SBF2: variants seen among roughly 807,000 people sequenced by gnomAD.
SBF2 encodes the protein myotubularin-related protein 13.
Under a neutral mutation model 225.2 loss-of-function variants are expected in SBF2, and 112 were observed. The ratio of observed to expected loss-of-function variants is 0.50; its 90% CI spans 0.43 to 0.58. SBF2 has a LOEUF of 0.58. Among genes scored for constraint, SBF2 ranks in the 20% least tolerant of loss-of-function variants. SBF2 has a pLI of 0.00. For synonymous variants in SBF2, 763 were observed against 773.3 expected, an observed-to-expected ratio of 0.99 and a Z score of 0.22; for missense variants, 1,996 against 2,206.2, an observed-to-expected ratio of 0.90 and a Z score of 1.91.
At chr11:9,851,170 G>T (rs924111246) in intron 21 of SBF2, among the ~76,000 whole-genome samples, 1 of 144,912 alleles carries the variant, frequency 6.9e-6, no homozygotes, top group Non-Finnish European at 1.5e-5. Context: ...AAAAAACCCA[G>T]AATACATAGA....
intron 6 of SBF2, among the ~76,000 whole-genome samples, chr11:10,006,395 C>T (rs1022227826): frequency 6.6e-6 from 1 of 152,174 alleles, no homozygotes; most frequent in African/African-American, 2.4e-5. Flanking sequence ...CCAGTCAGCT[C>T]CTTATGACTT....
At chr11:10,138,750 C>A (rs1954503909) in intron 2 of SBF2, among the ~76,000 whole-genome samples, 1 of 152,010 alleles carries the variant, frequency 6.6e-6, no homozygotes, top group Admixed American at 6.6e-5. Flanking sequence ...TATTTTCTTT[C>A]CATTATGGAT....
At chr11:9,810,932 T>A (rs575623016) in intron 30 of SBF2, 1 of 152,240 alleles carries the variant, frequency 6.6e-6, no homozygotes, top group Non-Finnish European at 1.5e-5. Context: ...TGCTGTACTA[T>A]TCACAATAGC....
Position 9,958,811 on chromosome 11 carries a change from A to G in SBF2, c.1860+3146T>C, listed in dbSNP as rs544839529. On this transcript the variant is annotated intron_variant, in intron 16 of 39. Transcript: ENST00000256190. The stretch of plus-strand genomic sequence containing the variant: ...GCAGATGAGGGCTTCTGTCACCGAA[A>G]ATGGGTCACAGTCGGCAGAGAGGCA... 3 of 550,288 alleles carry G rather than the reference A, an allele frequency of 5.5e-6. No homozygotes were observed. The African/African-American group carries it at 5.6e-5, about 10-fold the overall frequency. 34.1% of individuals were successfully genotyped at this position (550,288 alleles called of 1,614,324 possible).
chr11:10,141,395 CCTT>C (rs1403697194), intron 2 of SBF2, among the ~76,000 whole-genome samples: 2 of 152,092 alleles, frequency 1.3e-5, no homozygotes, highest in South Asian at 2.1e-4. Context: ...CTGGTTTTGA[CCTT>C]CTTCTATTCC....
intron 17 of SBF2, among the ~76,000 whole-genome samples, chr11:9,867,579 T>C (rs909961762): frequency 6.6e-6 from 1 of 152,180 alleles, no homozygotes; most frequent in South Asian, 2.1e-4. Context: ...ACATTTATTA[T>C]AGCGCTATTC....
intron 2 of SBF2, among the ~76,000 whole-genome samples, chr11:10,066,192 G>A (rs1436461267): frequency 6.6e-6 from 1 of 151,348 alleles, no homozygotes; most frequent in Non-Finnish European, 1.5e-5. Flanking sequence ...TAAAAAAACG[G>A]AAAAATATAG....
intron 16 of SBF2, among the ~76,000 whole-genome samples, chr11:9,929,872 T>G (rs1054219058): frequency 6.6e-6 from 1 of 152,154 alleles, no homozygotes; most frequent in Non-Finnish European, 1.5e-5. Context: ...AGAAACTTAT[T>G]ATTAACTGGC....
chr11:9,982,128 C>T (rs1434550655), intron 13 of SBF2, among the ~76,000 whole-genome samples: 1 of 152,196 alleles, frequency 6.6e-6, no homozygotes, highest in African/African-American at 2.4e-5. Context: ...GGAATATTTT[C>T]ATCCTTGTGT....
At chr11:9,881,374 C>T (rs929387917) in intron 17 of SBF2, among the ~76,000 whole-genome samples, 1 of 152,000 alleles carries the variant, frequency 6.6e-6, no homozygotes, top group Non-Finnish European at 1.5e-5. Flanking sequence ...AGGCTCAAAA[C>T]GCTGGGGTGA....
At chr11:10,241,503 A>C (rs1055509807) in intron 1 of SBF2, among the ~76,000 whole-genome samples, 1 of 152,154 alleles carries the variant, frequency 6.6e-6, no homozygotes, top group Non-Finnish European at 1.5e-5. Flanking sequence ...AATAGAGAAG[A>C]ATGACAAAGC....
rs1957181473 is a variant in SBF2 at position 10,191,741 on chromosome 11, A to C, written c.141+2161T>G. Among the ~76,000 whole-genome samples, 3 of 152,318 alleles carry C rather than the reference A, an allele frequency of 2.0e-5. No individual in the cohort carries two copies. In the South Asian group the frequency reaches 6.2e-4, roughly 32 times the overall value. ...TTGGAGAAACATTTATAGCACTTGA[A>C]CATGGCAGTGTCTGTCATACAAAGA... On this transcript the variant is annotated intron_variant, in intron 2 of 39. Transcript: ENST00000256190.
At chr11:10,285,006 C>A (rs1963655196) in intron 1 of SBF2, among the ~76,000 whole-genome samples, 1 of 151,384 alleles carries the variant, frequency 6.6e-6, no homozygotes, top group South Asian at 2.1e-4. Flanking sequence ...ACTTTAGGAA[C>A]AAAAATAAAG....
At chr11:9,967,330 C>T (rs1022566756) in intron 14 of SBF2, among the ~76,000 whole-genome samples, 2 of 151,306 alleles carry the variant, frequency 1.3e-5, no homozygotes, top group Non-Finnish European at 2.9e-5. Flanking sequence ...CGAGATTGCT[C>T]CACTGCACTC....
intron 2 of SBF2, among the ~76,000 whole-genome samples, chr11:10,184,881 C>A (rs1330090702): frequency 1.3e-5 from 2 of 152,148 alleles, no homozygotes; most frequent in East Asian, 3.9e-4. Flanking sequence ...CGCCCACCAC[C>A]ACGCCCGGCT....
At chr11:9,878,179 G>T (rs1363691456) in intron 17 of SBF2, among the ~76,000 whole-genome samples, 3 of 152,134 alleles carry the variant, frequency 2.0e-5, no homozygotes, top group Non-Finnish European at 2.9e-5. Flanking sequence ...GTGTCTGTTG[G>T]CTGCATAAAT....
At chr11:10,190,076 G>T (rs1257143473) in intron 2 of SBF2, among the ~76,000 whole-genome samples, 1 of 151,576 alleles carries the variant, frequency 6.6e-6, no homozygotes, top group Non-Finnish European at 1.5e-5. Context: ...GCTTGAATCT[G>T]GGAGGCAGAG....
intron 1 of SBF2, among the ~76,000 whole-genome samples, chr11:10,234,257 G>A (rs977201918): frequency 6.6e-6 from 1 of 152,010 alleles, no homozygotes; most frequent in African/African-American, 2.4e-5. Context: ...TTTTGATCTT[G>A]TAAATGCTTT....
At chr11:9,944,728 T>C (rs1865466323) in intron 16 of SBF2, among the ~76,000 whole-genome samples, 1 of 152,178 alleles carries the variant, frequency 6.6e-6, no homozygotes, top group Non-Finnish European at 1.5e-5. Flanking sequence ...AAAATGGCCA[T>C]ACTGCCCAGC....
Sources: gnomAD v4.1 joint callset for allele counts (sites outside exome capture counted in the v4.1 genomes callset) on GRCh38, gnomAD v4.1.1 for gene constraint, MANE v1.5 for transcripts, NCBI Gene and HGNC (gene_info 2026-07-23, HGNC 2026-07-21) for gene names.